NRXN1: variants seen among roughly 807,000 people sequenced by gnomAD.
The protein encoded by NRXN1 is neurexin 1.
In NRXN1, 39 loss-of-function variants were observed where a neutral mutation model predicts 150.9. The ratio of observed to expected loss-of-function variants is 0.26; its 90% CI spans 0.20 to 0.34. The LOEUF is 0.34. Among genes scored for constraint, NRXN1 ranks in the 10% least tolerant of loss-of-function variants. The pLI, the probability that NRXN1 is intolerant of heterozygous loss-of-function variation, is 1.00. For synonymous variants in NRXN1, 924 were observed against 757.0 expected (o/e 1.22, Z -3.62); for missense variants, 1,815 against 1,949.9 (o/e 0.93, Z 1.30).
chr2:49,949,088 C>T (rs1441465260), intron 21 of NRXN1, among the ~76,000 whole-genome samples: 1 of 151,874 alleles, frequency 6.6e-6, no homozygotes, highest in East Asian at 1.9e-4. Context: ...AAACTTAATC[C>T]ATCCTTTTCT....
intron 18 of NRXN1, among the ~76,000 whole-genome samples, chr2:50,182,081 T>C (rs1040725510): frequency 4.6e-5 from 7 of 151,490 alleles, no homozygotes; most frequent in South Asian, 4.2e-4. Flanking sequence ...ATATTTTTCA[T>C]TGGTTACTAC....
At chr2:50,240,458 T>C (rs1233631319) in intron 17 of NRXN1, among the ~76,000 whole-genome samples, 1 of 151,760 alleles carries the variant, frequency 6.6e-6, no homozygotes, top group Admixed American at 6.6e-5. Context: ...CATCAAACTT[T>C]ACAAAATCTC....
At chr2:50,785,494 C>T (rs558860794) in intron 5 of NRXN1, among the ~76,000 whole-genome samples, 103 of 152,180 alleles carry the variant, frequency 6.8e-4, no homozygotes, top group African/African-American at 9.6e-4. Context: ...ATGGTCCGCC[C>T]GCCTTGGCCT....
At chr2:50,916,392 A>G (rs1487235982) in intron 5 of NRXN1, among the ~76,000 whole-genome samples, 1 of 151,436 alleles carries the variant, frequency 6.6e-6, no homozygotes, top group African/African-American at 2.4e-5. Flanking sequence ...GCTAAAGACT[A>G]TAGAAAATTA....
chr2:50,952,296 C>A (rs1309596751), intron 2 of NRXN1, among the ~76,000 whole-genome samples: 1 of 151,962 alleles, frequency 6.6e-6, no homozygotes, highest in Non-Finnish European at 1.5e-5. Context: ...GAATATGAGA[C>A]CCTGTCAAAA....
chr2:49,986,945 G>T (rs1200722763), intron 21 of NRXN1, among the ~76,000 whole-genome samples: 2 of 152,042 alleles, frequency 1.3e-5, no homozygotes, highest in Non-Finnish European at 2.9e-5. Flanking sequence ...CACACCTGCA[G>T]TTCCAGTTAC....
At chr2:50,915,695 T>C (rs998462202) in intron 5 of NRXN1, among the ~76,000 whole-genome samples, 2 of 151,514 alleles carry the variant, frequency 1.3e-5, no homozygotes, top group Non-Finnish European at 3.0e-5. Context: ...ATTAAGATAA[T>C]GATACTGTTT....
intron 5 of NRXN1, among the ~76,000 whole-genome samples, chr2:50,767,211 T>C (rs1190841323): frequency 6.6e-6 from 1 of 152,062 alleles, no homozygotes; most frequent in Non-Finnish European, 1.5e-5. Flanking sequence ...AATACCATAG[T>C]TGAAAATGCC....
At position 50,555,625 on chromosome 2, in the gene NRXN1, T is replaced by A. The variant is rs1206899708; in HGVS notation, c.1321-2600A>T. Among the ~76,000 whole-genome samples the A allele has an allele frequency of 2.0e-5, 3 of 152,178 alleles. No individual in the cohort carries two copies. In the East Asian group the frequency reaches 5.8e-4, roughly 29 times the overall value. ...TGGCTGGCACAGAGTAGATGCTCAA[T>A]AAATATTTGTTTATAGTTGAACAAA... On this transcript the variant is annotated intron_variant, in intron 8 of 22. Coordinates refer to ENST00000401669, the MANE Select transcript of NRXN1 (RefSeq NM_001330078.2).
chr2:50,091,155 T>C (rs551892176), intron 19 of NRXN1, among the ~76,000 whole-genome samples, 168 bp downstream of exon 19: 4 of 152,320 alleles, frequency 2.6e-5, no homozygotes, highest in South Asian at 4.1e-4. Context: ...TTGTACACTG[T>C]AGCAAGAACA....
chr2:50,533,788 A>T (rs890940875), intron 10 of NRXN1, among the ~76,000 whole-genome samples: 1 of 152,072 alleles, frequency 6.6e-6, no homozygotes, highest in African/African-American at 2.4e-5. Context: ...GCACTTTTAG[A>T]TCCCTCTGTT....
chr2:50,963,106 A>C (rs1378439070), intron 2 of NRXN1, among the ~76,000 whole-genome samples: 1 of 151,694 alleles, frequency 6.6e-6, no homozygotes, highest in Non-Finnish European at 1.5e-5. Context: ...AAGTTGAGAA[A>C]AGCATGTGTT....
intron 17 of NRXN1, among the ~76,000 whole-genome samples, chr2:50,453,985 A>T (rs1022232431): frequency 2.0e-5 from 3 of 152,220 alleles, no homozygotes; most frequent in African/African-American, 4.8e-5. Flanking sequence ...TGACCAAAAA[A>T]TAGTTATCTT....
intron 17 of NRXN1, among the ~76,000 whole-genome samples, chr2:50,420,932 C>T (rs1322874024): frequency 1.3e-5 from 2 of 149,280 alleles, no homozygotes; most frequent in Non-Finnish European, 3.0e-5. Context: ...ACAGATGCAT[C>T]TGGTCCTGGT....
chr2:50,193,289 T>C (rs1207018995), intron 18 of NRXN1, among the ~76,000 whole-genome samples: 1 of 152,228 alleles, frequency 6.6e-6, no homozygotes. Flanking sequence ...TTCAATATCA[T>C]AGTTTCTCTA....
chr2:50,473,679 C>G (rs1445030808), intron 15 of NRXN1, among the ~76,000 whole-genome samples: 15 of 151,998 alleles, frequency 9.9e-5, no homozygotes, highest in Non-Finnish European at 4.4e-5. Context: ...ATCCTGCAAT[C>G]TTACTGTTCA....
chr2:50,016,315 G>C (rs561233257), intron 21 of NRXN1, among the ~76,000 whole-genome samples: 1 of 152,170 alleles, frequency 6.6e-6, no homozygotes, highest in Non-Finnish European at 1.5e-5. Flanking sequence ...CTTTCTTTGC[G>C]TTTAGTCAAC....
At position 49,992,262 on chromosome 2, in the gene NRXN1, G is replaced by A. The variant is rs751744065; in HGVS notation, c.4129-48471C>T. On this transcript the variant is annotated intron_variant, in intron 21 of 22. Transcript: ENST00000401669. ...AAAATAAAGAAAAAACTTTTGGACC[G>A]GGTGCAGTGGCTCATGCCTGTAATC... Among the ~76,000 whole-genome samples the A allele has an allele frequency of 7.9e-5, 12 of 151,990 alleles. No individual in the cohort carries two copies. In the South Asian group the frequency reaches 1.5e-3, roughly 18 times the overall value.
At chr2:50,637,302 G>C (rs571593531) in intron 5 of NRXN1, among the ~76,000 whole-genome samples, 12 of 152,108 alleles carry the variant, frequency 7.9e-5, no homozygotes, top group Admixed American at 1.3e-4. Flanking sequence ...ACATTCTCTA[G>C]CTCAGTATTT....
Sources: gnomAD v4.1 joint callset for allele counts (sites outside exome capture counted in the v4.1 genomes callset) on GRCh38, gnomAD v4.1.1 for gene constraint, MANE v1.5 for transcripts, NCBI Gene and HGNC (gene_info 2026-07-23, HGNC 2026-07-21) for gene names.